CNTLN: variants seen among roughly 807,000 people sequenced by gnomAD.
The protein encoded by CNTLN is centlein, also known as centlein, centrosomal protein.
A neutral mutation model predicts 180.0 loss-of-function variants in CNTLN; 212 were observed. That is an observed-to-expected ratio of 1.18 (90% CI 1.05 to 1.32). CNTLN has a LOEUF of 1.32. CNTLN is among the 40% of genes most tolerant of loss of function. The probability of loss-of-function intolerance (pLI) is 0.00; values close to 1 mark genes in which losing one functional copy is unlikely to be tolerated. For missense variants in CNTLN, 2,095 were observed against 1,610.9 expected, an observed-to-expected ratio of 1.30 and a Z score of -5.14; for synonymous variants, 722 against 563.1, an observed-to-expected ratio of 1.28 and a Z score of -3.99.
At chr9:17,256,280 G>C (rs1033592714) in intron 5 of CNTLN, among the ~76,000 whole-genome samples, 1 of 151,976 alleles carries the variant, frequency 6.6e-6, no homozygotes, top group African/African-American at 2.4e-5. Context: ...CCAGTAATGG[G>C]ATTGCTGGAT....
chr9:17,329,526 A>G (rs550575395), intron 8 of CNTLN, among the ~76,000 whole-genome samples: 13 of 152,184 alleles, frequency 8.5e-5, no homozygotes, highest in Admixed American at 1.3e-4. Flanking sequence ...AGATAATCAT[A>G]TGGTAGAATA....
At position 17,415,902 on chromosome 9, in the gene CNTLN, A is replaced by G. The variant is rs1165615073; in HGVS notation, c.2890+21A>G. 1.6e-5 allele frequency: 25 copies of G among 1,589,050 alleles called. 1 individual carries two copies. The East Asian group carries it at 2.2e-4, about 14-fold the overall frequency. On this transcript the variant is annotated intron_variant, in intron 17 of 25. Coordinates refer to ENST00000380647, the MANE Select transcript of CNTLN (RefSeq NM_017738.4). ...TAGAGGTAAGAATGTATATGCAATT[A>G]ACAATATGTCTTTTACAATTTAAAT...
intron 25 of CNTLN, among the ~76,000 whole-genome samples, chr9:17,497,066 C>G (rs1833494461): frequency 6.6e-6 from 1 of 152,164 alleles, no homozygotes; most frequent in Admixed American, 6.6e-5. Context: ...GGGGTCCAAA[C>G]TGATGTCCAA....
rs150682669 is a variant in CNTLN, at chr9:17,207,283, C to A, written c.450-18920C>A. Among the ~76,000 whole-genome samples, 249 of 152,280 alleles carry A rather than the reference C, an allele frequency of 1.6e-3. 1 individual carries two copies. The highest frequency in any genetic ancestry group is 5.8e-3 in the African/African-American group (240 of 41,564). On this transcript the variant is annotated intron_variant, in intron 2 of 25. Transcript: ENST00000380647. Reference sequence around the variant, plus strand: ...ATTTATGTGAGATAAAGCTTGTTTACCCTTAAAGGTATTGTGTGTGTGCCT... The same window carrying A: ...ATTTATGTGAGATAAAGCTTGTTTAACCTTAAAGGTATTGTGTGTGTGCCT...
chr9:17,301,072 A>C, intron 7 of CNTLN: 1 of 985,438 alleles, frequency 1.0e-6, no homozygotes, highest in Non-Finnish European at 1.2e-6. Context: ...GACTAAGGAT[A>C]AAGAAAGCTC....
At chr9:17,304,021 C>G (rs1469315764) in intron 7 of CNTLN, among the ~76,000 whole-genome samples, 1 of 152,104 alleles carries the variant, frequency 6.6e-6, no homozygotes, top group Admixed American at 6.6e-5. Context: ...CCTTACATTA[C>G]CCATTCTTTC....
chr9:17,441,686 T>C (rs1830118803), intron 18 of CNTLN, among the ~76,000 whole-genome samples: 1 of 148,540 alleles, frequency 6.7e-6, no homozygotes, highest in Non-Finnish European at 1.5e-5. Flanking sequence ...AAGGTAGCAA[T>C]AGGAAATTTT....
intron 13 of CNTLN, among the ~76,000 whole-genome samples, chr9:17,387,101 C>T (rs1825738903): frequency 6.6e-6 from 1 of 152,134 alleles, no homozygotes; most frequent in Non-Finnish European, 1.5e-5. Context: ...TTGGGTATGT[C>T]ATTTTTCAAA....
chr9:17,214,102 T>A (rs113639600), intron 2 of CNTLN, among the ~76,000 whole-genome samples: 3,404 of 152,206 alleles, frequency 0.022, 132 homozygotes, highest in African/African-American at 0.078. Flanking sequence ...TCATTATGAT[T>A]TTAGCTGGTT....
intron 14 of CNTLN, among the ~76,000 whole-genome samples, chr9:17,393,379 G>A (rs1826255782): frequency 6.6e-6 from 1 of 152,120 alleles, no homozygotes; most frequent in African/African-American, 2.4e-5. Flanking sequence ...GTAAAAATGA[G>A]TTCATATACT....
chr9:17,461,377 ACAT>A (rs1335352467), intron 19 of CNTLN, among the ~76,000 whole-genome samples: 2 of 151,766 alleles, frequency 1.3e-5, no homozygotes, highest in African/African-American at 2.4e-5. Flanking sequence ...AAGACACAAT[ACAT>A]CACTGTAAAC....
At chr9:17,160,975 G>T (rs1010452938) in intron 2 of CNTLN, among the ~76,000 whole-genome samples, 2 of 152,010 alleles carry the variant, frequency 1.3e-5, no homozygotes, top group African/African-American at 4.8e-5. Context: ...AGCTATTAAA[G>T]AATACTCTCT....
chr9:17,409,499 G>A (rs373197811), intron 16 of CNTLN, 26 bp downstream of exon 16: 3 of 1,513,344 alleles, frequency 2.0e-6, no homozygotes, highest in South Asian at 2.5e-5. Context: ...TTGCTTAATT[G>A]TATGCTATGT....
intron 7 of CNTLN, 183 bp downstream of exon 7, chr9:17,298,535 T>C: frequency 2.3e-6 from 3 of 1,294,064 alleles, no homozygotes; most frequent in South Asian, 2.1e-5. Flanking sequence ...GAATTTTCTT[T>C]ATGGTAATTA....
chr9:17,364,806 A>G (rs1256266379), intron 12 of CNTLN, among the ~76,000 whole-genome samples: 1 of 152,054 alleles, frequency 6.6e-6, no homozygotes, highest in Non-Finnish European at 1.5e-5. Context: ...CTCTGGCCAT[A>G]TGTCCAGTTT....
chr9:17,388,520 A>G (rs1162188334), intron 14 of CNTLN, among the ~76,000 whole-genome samples: 1 of 152,056 alleles, frequency 6.6e-6, no homozygotes, highest in Non-Finnish European at 1.5e-5. Context: ...TAGAAATTAC[A>G]GAAATGTAGA....
intron 12 of CNTLN, among the ~76,000 whole-genome samples, chr9:17,344,060 G>C (rs1175720446): frequency 6.6e-6 from 1 of 152,116 alleles, no homozygotes; most frequent in African/African-American, 2.4e-5. Flanking sequence ...AAAAAAGAAA[G>C]TAATTTTGAA....
chr9:17,500,477 A>G (rs996617716), intron 25 of CNTLN, among the ~76,000 whole-genome samples: 18 of 152,230 alleles, frequency 1.2e-4, no homozygotes, highest in African/African-American at 4.1e-4. Context: ...ATTATTACAC[A>G]GGAAATGATA....
At chr9:17,428,871 T>C (rs1380150802) in intron 18 of CNTLN, among the ~76,000 whole-genome samples, 1 of 152,004 alleles carries the variant, frequency 6.6e-6, no homozygotes, top group East Asian at 1.9e-4. Context: ...ATATATTAAA[T>C]GATTAAGAAC....
Sources: allele counts gnomAD v4.1 joint callset (sites outside exome capture counted in the v4.1 genomes callset), GRCh38; gene constraint gnomAD v4.1.1; transcripts MANE v1.5; gene names NCBI Gene and HGNC (gene_info 2026-07-23, HGNC 2026-07-21).